The following CCBE1 variants were observed in gnomAD, a reference collection of about 807,000 sequenced individuals.
The protein encoded by CCBE1 is collagen and calcium-binding EGF domain-containing protein 1.
In CCBE1, 37 loss-of-function variants were observed where a neutral mutation model predicts 50.0. The ratio of observed to expected loss-of-function variants is 0.74; its 90% CI spans 0.57 to 0.97. The LOEUF (loss-of-function observed/expected upper bound fraction) is 0.97. Among genes scored for constraint, CCBE1 ranks in the 50% least tolerant of loss-of-function variants. The pLI is 0.00. For missense variants in CCBE1, 538 were observed against 523.8 expected (o/e 1.03, Z -0.26); for synonymous variants, 234 against 203.7 (o/e 1.15, Z -1.27).
At chr18:59,492,029 C>A (rs1211414290) in intron 2 of CCBE1, among the ~76,000 whole-genome samples, 1 of 151,306 alleles carries the variant, frequency 6.6e-6, no homozygotes, top group African/African-American at 2.4e-5. Context: ...CCTATAATCC[C>A]AGCTACTCGG....
At chr18:59,664,663 C>T (rs1282142144) in intron 2 of CCBE1, among the ~76,000 whole-genome samples, 1 of 152,158 alleles carries the variant, frequency 6.6e-6, no homozygotes, top group Non-Finnish European at 1.5e-5. Context: ...ACTGCTGACC[C>T]TCTACCGATC....
intron 5 of CCBE1, among the ~76,000 whole-genome samples, chr18:59,466,183 T>A (rs1911732503): frequency 6.6e-6 from 1 of 152,042 alleles, no homozygotes; most frequent in Non-Finnish European, 1.5e-5. Context: ...CCAAATCTCA[T>A]CTTGAATTAT....
At chr18:59,524,137 A>G (rs1914719094) in intron 2 of CCBE1, among the ~76,000 whole-genome samples, 1 of 152,172 alleles carries the variant, frequency 6.6e-6, no homozygotes, top group Non-Finnish European at 1.5e-5. Flanking sequence ...CCTGACCAAC[A>G]TCATGAAACT....
intron 2 of CCBE1, among the ~76,000 whole-genome samples, chr18:59,541,843 G>C (rs1442976457): frequency 6.6e-6 from 1 of 151,066 alleles, no homozygotes; most frequent in African/African-American, 2.4e-5. Context: ...TAGAATTAAA[G>C]AGTCCAGATG....
At chr18:59,462,570 G>C (rs898286769) in intron 5 of CCBE1, 8 of 152,112 alleles carry the variant, frequency 5.3e-5, no homozygotes, top group African/African-American at 1.7e-4. Context: ...ACAATTTTTA[G>C]TAGAGATGGG....
At chr18:59,488,211 G>A (rs544507768) in intron 2 of CCBE1, among the ~76,000 whole-genome samples, 1 of 152,174 alleles carries the variant, frequency 6.6e-6, no homozygotes. Context: ...GAAGTTACTG[G>A]GTAACGGATA....
chr18:59,596,754 C>T (rs1230937979), intron 2 of CCBE1, among the ~76,000 whole-genome samples: 3 of 152,132 alleles, frequency 2.0e-5, no homozygotes, highest in Non-Finnish European at 2.9e-5. Flanking sequence ...TGACTGTGAC[C>T]CGACCATCAA....
intron 2 of CCBE1, among the ~76,000 whole-genome samples, chr18:59,520,821 C>G (rs937096755): frequency 3.3e-5 from 5 of 152,116 alleles, no homozygotes; most frequent in Non-Finnish European, 7.4e-5. Context: ...CATGTTTTTT[C>G]AAAATCATAA....
rs1046714625 is a variant in CCBE1 at position 59,692,598 on chromosome 18, T to G, written c.212+4031A>C. ...TATCAATCTGGTAGTACTATTCTAATTAAAAGGACCTTGCTCTTCAAAGCA... is the reference window on the plus strand; with the variant it reads ...TATCAATCTGGTAGTACTATTCTAAGTAAAAGGACCTTGCTCTTCAAAGCA... On this transcript the variant is annotated intron_variant, in intron 2 of 10. Transcript: ENST00000439986. 6.6e-5 allele frequency among the ~76,000 whole-genome samples: 10 copies of G among 152,330 alleles called. No homozygotes were observed. The East Asian group carries it at 1.9e-3, about 29-fold the overall frequency.
intron 2 of CCBE1, among the ~76,000 whole-genome samples, chr18:59,662,255 C>A (rs2054296327): frequency 6.6e-6 from 1 of 152,208 alleles, no homozygotes; most frequent in Non-Finnish European, 1.5e-5. Flanking sequence ...GTGACCTCAG[C>A]TGGGAACGTG....
At chr18:59,455,570 T>A (rs1911152527) in intron 5 of CCBE1, among the ~76,000 whole-genome samples, 1 of 152,220 alleles carries the variant, frequency 6.6e-6, no homozygotes, top group South Asian at 2.1e-4. Context: ...GAACACTAGG[T>A]GCTCCATGGG....
chr18:59,679,040 C>T (rs905399554), intron 2 of CCBE1, among the ~76,000 whole-genome samples: 1 of 152,308 alleles, frequency 6.6e-6, no homozygotes, highest in Admixed American at 6.5e-5. Flanking sequence ...ACACCATGTT[C>T]ATACTACAGT....
intron 2 of CCBE1, among the ~76,000 whole-genome samples, chr18:59,547,577 C>G (rs1915756020): frequency 6.6e-6 from 1 of 152,194 alleles, no homozygotes; most frequent in South Asian, 2.1e-4. Context: ...TGACCAACAT[C>G]TCACAGCTCA....
chr18:59,524,748 T>TC (rs1294209021), intron 2 of CCBE1, among the ~76,000 whole-genome samples: 1 of 126,686 alleles, frequency 7.9e-6, no homozygotes, highest in Non-Finnish European at 1.8e-5. Flanking sequence ...CCTGATGCTC[T>TC]CCCACACCCC....
intron 2 of CCBE1, among the ~76,000 whole-genome samples, chr18:59,594,857 T>C (rs1377288898): frequency 6.6e-6 from 1 of 152,060 alleles, no homozygotes; most frequent in Non-Finnish European, 1.5e-5. Context: ...CTCACACCTA[T>C]AATCCCAGCA....
At chr18:59,467,616 C>T (rs562409338) in intron 4 of CCBE1, among the ~76,000 whole-genome samples, 8 of 152,288 alleles carry the variant, frequency 5.3e-5, no homozygotes, top group South Asian at 4.1e-4. Context: ...GCTCCCCTGC[C>T]GCATGGTGGA....
intron 2 of CCBE1, among the ~76,000 whole-genome samples, chr18:59,539,198 C>CAAAA (rs777587430): frequency 6.1e-5 from 9 of 148,242 alleles, no homozygotes; most frequent in Non-Finnish European, 8.9e-5. Flanking sequence ...CACACACACA[C>CAAAA]ACAAAAAACA....
intron 3 of CCBE1, among the ~76,000 whole-genome samples, chr18:59,470,012 A>G (rs542392989): frequency 1.2e-4 from 18 of 152,146 alleles, no homozygotes; most frequent in Non-Finnish European, 2.2e-4. Flanking sequence ...GGTGACAGGC[A>G]CTGGTGTCAT....
intron 2 of CCBE1, among the ~76,000 whole-genome samples, chr18:59,665,255 G>A (rs1402170773): frequency 6.6e-6 from 1 of 152,086 alleles, no homozygotes; most frequent in African/African-American, 2.4e-5. Context: ...TCAGGTGACA[G>A]AGAAGATTCC....
Sources: allele counts gnomAD v4.1 joint callset (sites outside exome capture counted in the v4.1 genomes callset), GRCh38; gene constraint gnomAD v4.1.1; transcripts MANE v1.5; gene names NCBI Gene and HGNC (gene_info 2026-07-23, HGNC 2026-07-21).